Variants in RAPGEF1 observed in about 807,000 individuals in gnomAD.
The protein encoded by RAPGEF1 is Rap guanine nucleotide exchange factor 1, also known as CRK SH3-binding GNRP.
Under a neutral mutation model 143.3 loss-of-function variants are expected in RAPGEF1, and 33 were observed. The ratio of observed to expected loss-of-function variants is 0.23; its 90% CI spans 0.17 to 0.31. RAPGEF1 has a LOEUF of 0.31. RAPGEF1 is among the 10% of genes least tolerant of loss of function. The pLI, the probability that RAPGEF1 is intolerant of heterozygous loss-of-function variation, is 1.00. For synonymous variants in RAPGEF1, 629 were observed against 676.5 expected (o/e 0.93, Z 1.09); for missense variants, 1,199 against 1,645.4 (o/e 0.73, Z 4.69).
chr9:131,643,778 C>G (rs1038207396), intron 3 of RAPGEF1, among the ~76,000 whole-genome samples: 1 of 152,192 alleles, frequency 6.6e-6, no homozygotes, highest in African/African-American at 2.4e-5. Context: ...TGGAGAAGCA[C>G]CAGTCAAGGC....
At chr9:131,686,904 A>G (rs1043937833) in intron 1 of RAPGEF1, among the ~76,000 whole-genome samples, 3 of 152,208 alleles carry the variant, frequency 2.0e-5, no homozygotes, top group African/African-American at 7.2e-5. Flanking sequence ...TCATACTATA[A>G]TTATTTAGTT....
intron 16 of RAPGEF1, among the ~76,000 whole-genome samples, chr9:131,597,888 C>G (rs984921848): frequency 1.3e-5 from 2 of 152,182 alleles, no homozygotes; most frequent in African/African-American, 4.8e-5. Flanking sequence ...CACATGCAGG[C>G]TCTGTCTGCA....
At chr9:131,669,975 GACC>G (rs1227167789) in intron 1 of RAPGEF1, among the ~76,000 whole-genome samples, 1 of 152,176 alleles carries the variant, frequency 6.6e-6, no homozygotes, top group African/African-American at 2.4e-5. Context: ...CAATGACTAG[GACC>G]ACTTCTTGTG....
intron 1 of RAPGEF1, among the ~76,000 whole-genome samples, chr9:131,698,752 C>T (rs955387523): frequency 2.6e-5 from 4 of 151,726 alleles, no homozygotes; most frequent in South Asian, 2.1e-4. Flanking sequence ...AACCCCACTA[C>T]GGGAGGGACC....
At chr9:131,645,751 G>A (rs1197875440) in intron 3 of RAPGEF1, among the ~76,000 whole-genome samples, 3 of 152,302 alleles carry the variant, frequency 2.0e-5, no homozygotes, top group Admixed American at 6.5e-5. Context: ...GGGCAGGTGC[G>A]TTCACCTGCG....
intron 1 of RAPGEF1, among the ~76,000 whole-genome samples, chr9:131,697,768 CCA>C (rs937576484): frequency 6.6e-5 from 10 of 152,164 alleles, no homozygotes; most frequent in African/African-American, 2.4e-4. Flanking sequence ...TCAAATTTTC[CCA>C]CATTTTGGAT....
At position 131,627,923 on chromosome 9, in the gene RAPGEF1, A is replaced by C; in HGVS notation, c.1191T>G (p.Cys397Trp). Residue 397 changes from cysteine (C) to tryptophan (W), a missense_variant, in exon 9 of 27, where the codon TGT (cysteine) becomes TGG (tryptophan). Physicochemically the swap from Cys to Trp is radical, Grantham distance 215. Around this residue, in one of 6 missense-constraint regions of RAPGEF1, gnomAD observed 613 missense variants for 710.9 expected, o/e 0.86. Transcript: ENST00000683357. ...DSGQCSRNTS[C>W]ETLDHYDPDY... ...ATGGTGGCGGCTCACCTAGTGTTTC[A>C]CAGCTTGTGTTCCGGGAGCACTGCC... is the stretch of plus-strand genomic sequence containing the variant. 1.3e-6 allele frequency: 2 copies of C among 1,582,256 alleles called. No homozygotes were observed. Among genetic ancestry groups the C allele is most frequent in the Non-Finnish European group, 1.7e-6 (2 of 1,164,434 alleles).
At position 131,602,118 on chromosome 9, in the gene RAPGEF1, C is replaced by T; in HGVS notation, c.2444G>A (p.Arg815Lys). The change falls in exon 15 of 27, where the codon AGA becomes AAA. Residue 815 changes from arginine (R) to lysine (K), a missense_variant. Physicochemically the swap from Arg to Lys is conservative, Grantham distance 26 (BLOSUM62 2). Coordinates refer to ENST00000683357, the MANE Select transcript of RAPGEF1 (RefSeq NM_001377935.1). Reference sequence around the variant, plus strand: ...GACGCCGCTGACCGCTGAGGGATCTCTGGGATGTCCGTCTTTCCCAGCCGG... The same window carrying T: ...GACGCCGCTGACCGCTGAGGGATCTTTGGGATGTCCGTCTTTCCCAGCCGG... ...EPPAGKDGHPRDPSAVSGVPG... is the reference protein window; with the variant it reads ...EPPAGKDGHPKDPSAVSGVPG... 6.2e-7 allele frequency: 1 copy of T among 1,600,760 alleles called. No homozygotes were observed. The highest frequency in any genetic ancestry group is 1.3e-5 in the African/African-American group (1 of 74,780).
At chr9:131,674,764 G>C (rs1832014086) in intron 1 of RAPGEF1, among the ~76,000 whole-genome samples, 2 of 152,216 alleles carry the variant, frequency 1.3e-5, no homozygotes, top group Non-Finnish European at 2.9e-5. Context: ...ATCTGAGCTG[G>C]CTGCCTGCTG....
chr9:131,726,852 A>T (rs986421885), intron 1 of RAPGEF1, among the ~76,000 whole-genome samples: 5 of 152,096 alleles, frequency 3.3e-5, no homozygotes, highest in Non-Finnish European at 7.3e-5. Context: ...AAATTTTTTT[A>T]AATGAAAAGG....
intron 1 of RAPGEF1, among the ~76,000 whole-genome samples, chr9:131,671,312 C>T (rs1343370409): frequency 6.6e-6 from 1 of 152,264 alleles, no homozygotes; most frequent in African/African-American, 2.4e-5. Flanking sequence ...TACATCTCAG[C>T]CCGCCAGGGA....
At chr9:131,597,098 C>A (rs1955432906) in intron 16 of RAPGEF1, among the ~76,000 whole-genome samples, 1 of 152,194 alleles carries the variant, frequency 6.6e-6, no homozygotes, top group Non-Finnish European at 1.5e-5. Context: ...TCCAGGACAA[C>A]CCCCCAGGCC....
Position 131,603,957 on chromosome 9 carries a change from T to G in RAPGEF1, c.2412+4A>C, listed in dbSNP as rs1956694617. The G allele has an allele frequency of 7.6e-7, 1 of 1,316,614 alleles. No homozygotes were observed. The highest frequency in any genetic ancestry group is 2.1e-5 in the Admixed American group (1 of 46,532). 81.6% of individuals were successfully genotyped at this position (1,316,614 alleles called of 1,614,324 possible). On this transcript the variant is annotated splice_donor_region_variant and intron_variant, in intron 14 of 26. Transcript: ENST00000683357. Reference sequence around the variant, plus strand: ...CATGCAGGAGGCCGCCCGAGGTTACTTACTCCTCGAGAGGGAGCCAGCTCC... The same window carrying G: ...CATGCAGGAGGCCGCCCGAGGTTACGTACTCCTCGAGAGGGAGCCAGCTCC...
chr9:131,724,336 C>G (rs936582886), intron 1 of RAPGEF1, among the ~76,000 whole-genome samples: 2 of 152,226 alleles, frequency 1.3e-5, no homozygotes, highest in Admixed American at 6.5e-5. Flanking sequence ...TGGCTCACGC[C>G]TGTAATCCCA....
chr9:131,672,139 G>T (rs763911694), intron 1 of RAPGEF1, among the ~76,000 whole-genome samples: 3 of 152,148 alleles, frequency 2.0e-5, no homozygotes, highest in Non-Finnish European at 4.4e-5. Context: ...CCTGAGCCTG[G>T]AACTAAGGAC....
chr9:131,731,184 AC>A (rs1322821305), intron 1 of RAPGEF1, among the ~76,000 whole-genome samples: 1 of 152,192 alleles, frequency 6.6e-6, no homozygotes, highest in Admixed American at 6.5e-5. Flanking sequence ...AGTTAACAGT[AC>A]CTTTCTCCTA....
Position 131,621,740 on chromosome 9 carries a change from TTC to T in RAPGEF1, c.1905+54_1905+55del. On this transcript the variant is annotated intron_variant, in intron 11 of 26. Coordinates refer to ENST00000683357, the MANE Select transcript of RAPGEF1 (RefSeq NM_001377935.1). This position sits in a 1 kb window ranked among gnomAD's most constrained non-coding sequence, Gnocchi z 4.5. ...CTGCCCCCAAGGAGGGTCATTCTGG[TTC>T]CTAGAGACCTGCTAGGATCGGAAGT... 1 of 1,507,268 alleles carries T rather than the reference TTC, an allele frequency of 6.6e-7. No individual in the cohort carries two copies. Among genetic ancestry groups the T allele is most frequent in the Non-Finnish European group, 9.0e-7 (1 of 1,113,220 alleles). The allele number at this position is 1,507,268 out of a possible 1,614,324, so 93.4% of individuals were successfully genotyped here.
chr9:131,718,093 GT>G (rs1433645232), intron 1 of RAPGEF1, among the ~76,000 whole-genome samples: 6 of 152,164 alleles, frequency 3.9e-5, no homozygotes, highest in African/African-American at 1.4e-4. Flanking sequence ...TCAGCAAACG[GT>G]GGCACCAGCA....
intron 1 of RAPGEF1, among the ~76,000 whole-genome samples, 167 bp downstream of exon 1, chr9:131,739,603 G>A (rs1333751642): frequency 2.0e-5 from 3 of 147,970 alleles, no homozygotes; most frequent in Non-Finnish European, 3.0e-5. Flanking sequence ...GCAGGCAATG[G>A]GCCTGGAGGA....
Sources: allele counts gnomAD v4.1 joint callset (sites outside exome capture counted in the v4.1 genomes callset), GRCh38; gene constraint gnomAD v4.1.1; regional missense constraint gnomAD v4.1.1; non-coding constraint Gnocchi (gnomAD v3.1); transcripts MANE v1.5; gene names NCBI Gene and HGNC (gene_info 2026-07-23, HGNC 2026-07-21).